Variants in RBKS observed in about 807,000 individuals in gnomAD.
The protein encoded by RBKS is ribokinase.
RBKS carries 33 observed loss-of-function variants against 33.9 expected under a neutral mutation model. That is an observed-to-expected ratio of 0.97 (90% confidence interval 0.74 to 1.30). The LOEUF (loss-of-function observed/expected upper bound fraction) is 1.30. Ranked by LOEUF, RBKS falls within the 50% of genes most tolerant of loss-of-function variation. The probability of loss-of-function intolerance (pLI) is 0.00; values close to 1 mark genes in which losing one functional copy is unlikely to be tolerated. For synonymous variants in RBKS, 125 were observed against 143.0 expected (o/e 0.87, Z 0.90); for missense variants, 361 against 392.6 (o/e 0.92, Z 0.68).
At chr2:27,787,653 G>A (rs944389697) in intron 7 of RBKS, among the ~76,000 whole-genome samples, 1 of 152,204 alleles carries the variant, frequency 6.6e-6, no homozygotes, top group East Asian at 1.9e-4. Context: ...AGATGGCTTC[G>A]CTGGATAATC....
intron 1 of RBKS, among the ~76,000 whole-genome samples, chr2:27,873,991 A>G (rs1384963583): frequency 6.6e-6 from 1 of 152,234 alleles, no homozygotes; most frequent in Non-Finnish European, 1.5e-5. Flanking sequence ...CAAACTAGTG[A>G]TATAAAAATC....
At chr2:27,867,192 T>C (rs10171517) in intron 1 of RBKS, among the ~76,000 whole-genome samples, 104,864 of 151,706 alleles carry the variant, frequency 0.69, 37,918 homozygotes, top group Admixed American at 0.82. Context: ...CCACTCTTGG[T>C]TATAGATCAC....
At chr2:27,840,327 T>TACACACACACACACACACAC (rs544313433) in intron 5 of RBKS, among the ~76,000 whole-genome samples, 24 of 117,898 alleles carry the variant, frequency 2.0e-4, no homozygotes, top group East Asian at 1.8e-3. Flanking sequence ...GATGATGCAT[T>TACACACACACACACACACAC]ACACACACAC....
chr2:27,809,890 T>G, intron 7 of RBKS: 1 of 1,284,196 alleles, frequency 7.8e-7, no homozygotes, highest in Non-Finnish European at 1.0e-6. Flanking sequence ...TAATTAGTCA[T>G]TGCACAATGT....
At chr2:27,886,223 A>T (rs1029801171) in intron 1 of RBKS, among the ~76,000 whole-genome samples, 23 of 148,386 alleles carry the variant, frequency 1.6e-4, no homozygotes, top group African/African-American at 5.4e-4. Flanking sequence ...ATTAGAAATG[A>T]AAAAAAAGGT....
chr2:27,841,449 T>C (rs1277352237), intron 5 of RBKS, among the ~76,000 whole-genome samples: 3 of 152,164 alleles, frequency 2.0e-5, no homozygotes, highest in Non-Finnish European at 2.9e-5. Flanking sequence ...ATGGGCACGG[T>C]GCAGAGAATG....
chr2:27,889,565 C>T (rs1299499469), intron 1 of RBKS, among the ~76,000 whole-genome samples: 3 of 152,192 alleles, frequency 2.0e-5, no homozygotes, highest in Non-Finnish European at 2.9e-5. Context: ...TCTGTCTACT[C>T]AATCTTACTG....
intron 5 of RBKS, among the ~76,000 whole-genome samples, chr2:27,836,781 G>A (rs1678529314): frequency 6.6e-6 from 1 of 151,788 alleles, no homozygotes; most frequent in Non-Finnish European, 1.5e-5. Context: ...AATCTATAAG[G>A]AACTTACATA....
At chr2:27,806,314 T>C (rs182609864) in intron 7 of RBKS, among the ~76,000 whole-genome samples, 2 of 152,338 alleles carry the variant, frequency 1.3e-5, no homozygotes. Context: ...AAGGCCATTA[T>C]ATAGACAAAA....
intron 1 of RBKS, among the ~76,000 whole-genome samples, chr2:27,872,935 C>G (rs1664243732): frequency 6.6e-6 from 1 of 152,128 alleles, no homozygotes; most frequent in African/African-American, 2.4e-5. Flanking sequence ...AGGCAAAACA[C>G]TGGCAGGGTT....
At chr2:27,787,282 A>AT in intron 7 of RBKS, among the ~76,000 whole-genome samples, 1 of 152,308 alleles carries the variant, frequency 6.6e-6, no homozygotes, top group African/African-American at 2.4e-5. Context: ...AAACATAAAA[A>AT]TTAGCTGGGC....
chr2:27,787,152 C>T, intron 7 of RBKS, among the ~76,000 whole-genome samples: 2 of 152,154 alleles, frequency 1.3e-5, no homozygotes, highest in East Asian at 3.9e-4. Context: ...CCACACCCAG[C>T]TAATCTTTTT....
intron 1 of RBKS, among the ~76,000 whole-genome samples, chr2:27,887,397 T>TA (rs1408877642): frequency 6.6e-6 from 1 of 152,102 alleles, no homozygotes; most frequent in African/African-American, 2.4e-5. Context: ...TCCAGAACAG[T>TA]AAAAAAATAA....
intron 2 of RBKS, among the ~76,000 whole-genome samples, chr2:27,849,090 GAC>G (rs1663681569): frequency 6.6e-6 from 1 of 152,162 alleles, no homozygotes; most frequent in Non-Finnish European, 1.5e-5. Context: ...GAGGGTGACA[GAC>G]ACAAACAGAC....
chr2:27,818,420 C>A (rs1279336954), intron 7 of RBKS, among the ~76,000 whole-genome samples: 1 of 152,162 alleles, frequency 6.6e-6, no homozygotes, highest in Non-Finnish European at 1.5e-5. Flanking sequence ...GGCAGACTGT[C>A]ACCAAATCAA....
chr2:27,836,451 GAAT>G (rs1162765082), intron 5 of RBKS, among the ~76,000 whole-genome samples: 2 of 152,134 alleles, frequency 1.3e-5, no homozygotes, highest in Non-Finnish European at 2.9e-5. Flanking sequence ...ATATGCAGAA[GAAT>G]GAAACTAGAC....
intron 7 of RBKS, among the ~76,000 whole-genome samples, chr2:27,789,513 T>G (rs1677467490): frequency 6.6e-6 from 1 of 150,488 alleles, no homozygotes; most frequent in Admixed American, 6.6e-5. Context: ...ATCCTCCCAC[T>G]TCAGCCTCCC....
intron 1 of RBKS, among the ~76,000 whole-genome samples, chr2:27,884,968 C>G (rs1032295246): frequency 1.3e-5 from 2 of 152,140 alleles, no homozygotes; most frequent in African/African-American, 4.8e-5. Flanking sequence ...GCTTTAAATA[C>G]CATTGATACA....
Position 27,843,115 on chromosome 2 carries a change from T to A in RBKS, c.466A>T (p.Thr156Ser). The change falls in exon 5 of 8, where the codon ACT becomes TCT. Residue 156 changes from threonine (T) to serine (S), a missense_variant. Thr to Ser is a moderately conservative substitution (Grantham distance 58, BLOSUM62 1). Transcript: ENST00000302188. The part of the protein sequence containing the change: ...AKVMVCQLEI[T>S]PATSLEALTM... ...AGGGCTTCCAAAGAAGTTGCTGGAG[T>A]TATTTCGAGCTGGCAGACCATGACT... 1 of 1,610,428 alleles carries A rather than the reference T, an allele frequency of 6.2e-7. No homozygotes were observed. Among genetic ancestry groups the A allele is most frequent in the Non-Finnish European group, 8.5e-7 (1 of 1,178,128 alleles).
Sources: gnomAD v4.1 joint callset for allele counts (sites outside exome capture counted in the v4.1 genomes callset) on GRCh38, gnomAD v4.1.1 for gene constraint, MANE v1.5 for transcripts, NCBI Gene and HGNC (gene_info 2026-07-23, HGNC 2026-07-21) for gene names.